TMEM169: variants seen among roughly 807,000 people sequenced by gnomAD.
The protein encoded by TMEM169 is transmembrane protein 169.
A neutral mutation model predicts 27.3 loss-of-function variants in TMEM169; 18 were observed. That is an observed-to-expected ratio of 0.66 (90% CI 0.46 to 0.98). The LOEUF is 0.98. Ranked by LOEUF, TMEM169 falls within the 50% of genes least tolerant of loss-of-function variation. The pLI is 0.00. For synonymous variants in TMEM169, 136 were observed against 142.1 expected (o/e 0.96, Z 0.30); for missense variants, 320 against 368.6 (o/e 0.87, Z 1.08).
chr2:216,096,316 A>G, intron 2 of TMEM169, 82 bp downstream of exon 2: 3 of 1,443,944 alleles, frequency 2.1e-6, no homozygotes, highest in East Asian at 4.6e-5. Context: ...GCATATGCTC[A>G]CTGTCCTATT....
In TMEM169 at chr2:216,099,421, G is replaced by A. The variant is rs998583134; in HGVS notation, c.272-499G>A. On this transcript the variant is annotated intron_variant, in intron 2 of 2. Transcript: ENST00000437356. This position sits in a 1 kb window ranked among gnomAD's most constrained non-coding sequence, Gnocchi z 5.0. ...TATGGTATATGTGGGATGCATGTGTGTATGCGTGCAGCCCCTGGATGTGAG... is the reference window on the plus strand; with the variant it reads ...TATGGTATATGTGGGATGCATGTGTATATGCGTGCAGCCCCTGGATGTGAG... Among the ~76,000 whole-genome samples, 1 of 151,836 alleles carries A rather than the reference G, an allele frequency of 6.6e-6. No homozygotes were observed. The highest frequency in any genetic ancestry group is 1.5e-5 in the Non-Finnish European group (1 of 67,936).
chr2:216,088,055 AG>A (rs1696045948), intron 1 of TMEM169, among the ~76,000 whole-genome samples: 1 of 151,994 alleles, frequency 6.6e-6, no homozygotes. Flanking sequence ...GCTACTCAGG[AG>A]GCAGAGGCAC....
At chr2:216,097,719 G>A (rs1365505901) in intron 2 of TMEM169, among the ~76,000 whole-genome samples, 1 of 152,142 alleles carries the variant, frequency 6.6e-6, no homozygotes, top group East Asian at 1.9e-4. Flanking sequence ...GACCTTCAGG[G>A]AAAGACAGAT....
rs775976594 is a variant in TMEM169 at position 216,100,460 on chromosome 2, T to C, written c.812T>C (p.Val271Ala). The C allele has an allele frequency of 1.9e-6, 3 of 1,613,930 alleles. No homozygotes were observed. Among genetic ancestry groups the C allele is most frequent in the Non-Finnish European group, 2.5e-6 (3 of 1,180,006 alleles). ...GAGGACTGTTCTCCCTACAGCATTGTGGAGTTGCTTGAATCCGACAATATC... is the reference window on the plus strand; with the variant it reads ...GAGGACTGTTCTCCCTACAGCATTGCGGAGTTGCTTGAATCCGACAATATC... The part of the protein sequence containing the change: ...GLEDCSPYSI[V>A]ELLESDNISS... The change falls in exon 3 of 3, where the codon GTG becomes GCG. Residue 271 changes from valine (V) to alanine (A), a missense_variant. Transcript: ENST00000437356.
chr2:216,095,775 C>T lies in TMEM169; in HGVS notation c.-126-63C>T, dbSNP rs1696248152. The T allele has an allele frequency of 6.8e-6, 4 of 588,618 alleles. No homozygotes were observed. The South Asian group carries it at 8.1e-5, about 12-fold the overall frequency. The allele number at this position is 588,618 out of a possible 1,614,324, so 36.5% of individuals were successfully genotyped here. ...TTCTGCTAAGTTGAGGATCGTTTCCCACATTCCTGTCCATCTCACCCCATT... is the reference window on the plus strand; with the variant it reads ...TTCTGCTAAGTTGAGGATCGTTTCCTACATTCCTGTCCATCTCACCCCATT... On this transcript the variant is annotated intron_variant, in intron 1 of 2. Transcript: ENST00000437356.
intron 2 of TMEM169, among the ~76,000 whole-genome samples, chr2:216,096,949 C>G (rs1054515541): frequency 6.6e-6 from 1 of 152,200 alleles, no homozygotes; most frequent in Admixed American, 6.5e-5. Context: ...AGTATTCCTT[C>G]ACATGTAGGC....
intron 1 of TMEM169, among the ~76,000 whole-genome samples, chr2:216,094,566 A>G (rs1696216676): frequency 6.6e-6 from 1 of 152,224 alleles, no homozygotes. Context: ...ATGGAAGTAC[A>G]AACACCACCT....
chr2:216,093,094 A>G (rs1452732466), intron 1 of TMEM169, among the ~76,000 whole-genome samples: 1 of 151,806 alleles, frequency 6.6e-6, no homozygotes, highest in African/African-American at 2.4e-5. Flanking sequence ...ATACATATAT[A>G]TGTATATCCT....
rs143856543 is a variant in TMEM169 at position 216,096,130 on chromosome 2, G to A, written c.167G>A (p.Arg56His). ...ESRPESIIIYRSDNEKTDEEP... is the reference protein window; with the variant it reads ...ESRPESIIIYHSDNEKTDEEP... ...CGCCCAGAATCCATCATCATCTACC[G>A]CTCAGACAATGAGAAAACAGATGAG... Residue 56 changes from arginine (R) to histidine (H), a missense_variant, in exon 2 of 3, where the codon CGC becomes CAC. Transcript: ENST00000437356. 186 of 1,614,114 alleles carry A rather than the reference G, an allele frequency of 1.2e-4. 1 individual carries two copies. The East Asian group carries it at 2.7e-3, about 24-fold the overall frequency.
chr2:216,096,302 A>T (rs1297012465), intron 2 of TMEM169, 68 bp downstream of exon 2: 4 of 1,529,482 alleles, frequency 2.6e-6, no homozygotes, highest in Non-Finnish European at 3.6e-6. Context: ...TCCAGAACAG[A>T]CAGGCATATG....
At chr2:216,093,643 A>C (rs186626420) in intron 1 of TMEM169, among the ~76,000 whole-genome samples, 2 of 152,202 alleles carry the variant, frequency 1.3e-5, no homozygotes. Context: ...TTTAGATCCA[A>C]CATCTGCCAA....
At chr2:216,090,282 A>G (rs763890887) in intron 1 of TMEM169, among the ~76,000 whole-genome samples, 1 of 152,218 alleles carries the variant, frequency 6.6e-6, no homozygotes, top group Non-Finnish European at 1.5e-5. Context: ...GAAATCAAAG[A>G]TGAGGAAGAG....
At chr2:216,093,905 G>A (rs1202450924) in intron 1 of TMEM169, among the ~76,000 whole-genome samples, 1 of 152,168 alleles carries the variant, frequency 6.6e-6, no homozygotes, top group African/African-American at 2.4e-5. Flanking sequence ...AATGAATGGA[G>A]CCTAGTGGAA....
chr2:216,089,504 C>G (rs1696079207), intron 1 of TMEM169, among the ~76,000 whole-genome samples: 1 of 152,182 alleles, frequency 6.6e-6, no homozygotes, highest in African/African-American at 2.4e-5. Context: ...CTCGCCCAGA[C>G]TGGATGCAGT....
chr2:216,091,835 C>A (rs989372882), intron 1 of TMEM169, among the ~76,000 whole-genome samples: 1 of 152,174 alleles, frequency 6.6e-6, no homozygotes, highest in Non-Finnish European at 1.5e-5. Context: ...AAAACTGGTT[C>A]TATTGTCTAC....
At chr2:216,086,597 G>T (rs1220828831) in intron 1 of TMEM169, among the ~76,000 whole-genome samples, 1 of 152,202 alleles carries the variant, frequency 6.6e-6, no homozygotes, top group East Asian at 1.9e-4. Flanking sequence ...ATGGGGAAGA[G>T]AATCAAGCCT....
chr2:216,085,066 T>C (rs749031244), intron 1 of TMEM169, among the ~76,000 whole-genome samples: 1 of 152,228 alleles, frequency 6.6e-6, no homozygotes, highest in Non-Finnish European at 1.5e-5. Context: ...CTCGGCTCAC[T>C]GCAGCCTCTG....
intron 1 of TMEM169, among the ~76,000 whole-genome samples, chr2:216,083,906 A>G (rs761269108): frequency 6.6e-6 from 1 of 152,312 alleles, no homozygotes; most frequent in South Asian, 2.1e-4. Flanking sequence ...AAGCAGAGCA[A>G]TAGATCTGCT....
At chr2:216,082,454 A>G (rs919521553) in intron 1 of TMEM169, 1 of 152,432 alleles carries the variant, frequency 6.6e-6, no homozygotes, top group Non-Finnish European at 1.5e-5. Flanking sequence ...CCACCCAAGA[A>G]TCAAGGGGAA....
Sources: allele counts gnomAD v4.1 joint callset (sites outside exome capture counted in the v4.1 genomes callset), GRCh38; gene constraint gnomAD v4.1.1; non-coding constraint Gnocchi (gnomAD v3.1); transcripts MANE v1.5; gene names NCBI Gene and HGNC (gene_info 2026-07-23, HGNC 2026-07-21).